Variants in TMEM132B observed in about 807,000 individuals in gnomAD.
TMEM132B encodes the protein transmembrane protein 132B.
TMEM132B carries 18 observed loss-of-function variants against 90.8 expected under a neutral mutation model. The ratio of observed to expected loss-of-function variants is 0.20; its 90% CI spans 0.14 to 0.29. The LOEUF is 0.29. Among genes scored for constraint, TMEM132B ranks in the 10% least tolerant of loss-of-function variants. The pLI, the probability that TMEM132B is intolerant of heterozygous loss-of-function variation, is 1.00. For synonymous variants in TMEM132B, 504 were observed against 523.3 expected (o/e 0.96, Z 0.50); for missense variants, 1,096 against 1,326.8 (o/e 0.83, Z 2.70).
intron 3 of TMEM132B, among the ~76,000 whole-genome samples, chr12:125,451,678 CAT>C (rs1358368107): frequency 4.0e-5 from 6 of 151,154 alleles, no homozygotes; most frequent in Non-Finnish European, 8.8e-5. Context: ...CTCGTCTCCT[CAT>C]GTGTGTAGGT....
rs888268714 is a variant in TMEM132B, at chr12:125,246,745, A to G, written c.67+59879A>G. On this transcript the variant is annotated intron_variant, in intron 1 of 8. Coordinates refer to ENST00000682704, the MANE Select transcript of TMEM132B (RefSeq NM_001366854.1). The surrounding 1 kb of genome is among the most constrained non-coding windows in gnomAD (Gnocchi z 4.2). ...AATCGGAGCCGGCTTTCAGGCACCT[A>G]TCTTCTCACCCTTTGTTCCTGTGGA... is the stretch of plus-strand genomic sequence containing the variant. 2.6e-5 allele frequency among the ~76,000 whole-genome samples: 4 copies of G among 152,176 alleles called. No individual in the cohort carries two copies. Among genetic ancestry groups the G allele is most frequent in the African/African-American group, 9.7e-5 (4 of 41,438 alleles).
At chr12:125,477,983 TGG>T (rs1286868205) in intron 3 of TMEM132B, among the ~76,000 whole-genome samples, 4 of 152,214 alleles carry the variant, frequency 2.6e-5, no homozygotes, top group Non-Finnish European at 5.9e-5. Flanking sequence ...GGGTCTGAAG[TGG>T]ACCTCCAGCA....
At chr12:125,593,837 G>T (rs1885376332) in intron 5 of TMEM132B, among the ~76,000 whole-genome samples, 1 of 152,156 alleles carries the variant, frequency 6.6e-6, no homozygotes, top group Non-Finnish European at 1.5e-5. Context: ...GGTATGAATG[G>T]ATCTAGGTAC....
Position 125,458,470 on chromosome 12 carries a change from G to A in TMEM132B, c.1106+42793G>A, listed in dbSNP as rs1032154315. Among the ~76,000 whole-genome samples the A allele has an allele frequency of 2.6e-5, 4 of 152,156 alleles. No homozygotes were observed. The highest frequency in any genetic ancestry group is 7.2e-5 in the African/African-American group (3 of 41,418). On this transcript the variant is annotated intron_variant, in intron 3 of 8. Transcript: ENST00000682704. This position sits in a 1 kb window ranked among gnomAD's most constrained non-coding sequence, Gnocchi z 4.9. ...AACAAACCAGGCTGGGACCCCAGGC[G>A]ACCAGCAGGGGTCATTTGGTTTCAG...
At chr12:125,477,829 C>A (rs541604979) in intron 3 of TMEM132B, among the ~76,000 whole-genome samples, 1 of 152,294 alleles carries the variant, frequency 6.6e-6, no homozygotes, top group South Asian at 2.1e-4. Flanking sequence ...CTGGGAGACA[C>A]CTCCCAGTAG....
At chr12:125,211,970 C>T (rs1261081863) in intron 1 of TMEM132B, among the ~76,000 whole-genome samples, 1 of 152,192 alleles carries the variant, frequency 6.6e-6, no homozygotes, top group African/African-American at 2.4e-5. Context: ...CACAAATGAA[C>T]CTACAAATCA....
At chr12:125,572,788 T>G (rs1229583829) in intron 4 of TMEM132B, among the ~76,000 whole-genome samples, 1 of 152,212 alleles carries the variant, frequency 6.6e-6, no homozygotes, top group Non-Finnish European at 1.5e-5. Context: ...ATATTCTAGC[T>G]TCATCATTCC....
At chr12:125,467,687 C>A (rs754502956) in intron 3 of TMEM132B, among the ~76,000 whole-genome samples, 2 of 152,168 alleles carry the variant, frequency 1.3e-5, no homozygotes, top group Non-Finnish European at 2.9e-5. Flanking sequence ...GCTGTAGAAC[C>A]ATTTATTCAC....
At chr12:125,365,016 G>A (rs1323101576) in intron 2 of TMEM132B, among the ~76,000 whole-genome samples, 1 of 151,838 alleles carries the variant, frequency 6.6e-6, no homozygotes, top group Non-Finnish European at 1.5e-5. Flanking sequence ...TTTCATTAAT[G>A]TGCTAGTCTA....
intron 1 of TMEM132B, among the ~76,000 whole-genome samples, chr12:125,203,646 A>G (rs1446429380): frequency 1.3e-5 from 2 of 152,230 alleles, no homozygotes; most frequent in African/African-American, 4.8e-5. Context: ...TTGGCTGCCA[A>G]TATATAAAAA....
intron 1 of TMEM132B, among the ~76,000 whole-genome samples, chr12:125,303,264 C>G (rs114151070): frequency 6.6e-6 from 1 of 152,058 alleles, no homozygotes; most frequent in Non-Finnish European, 1.5e-5. Flanking sequence ...CTTTAGTGTC[C>G]GGCTTCCTAT....
intron 4 of TMEM132B, among the ~76,000 whole-genome samples, chr12:125,555,569 T>TG (rs1225184189): frequency 3.9e-4 from 35 of 90,242 alleles, no homozygotes; most frequent in Admixed American, 2.5e-3. Flanking sequence ...TGTTGTGGGG[T>TG]GGGGGGTGGG....
chr12:125,228,655 A>G (rs1452423467), intron 1 of TMEM132B, among the ~76,000 whole-genome samples: 2 of 152,136 alleles, frequency 1.3e-5, no homozygotes, highest in African/African-American at 4.8e-5. Context: ...GACATGGTGC[A>G]TGGAGGGTTG....
At position 125,653,726 on chromosome 12, in the gene TMEM132B, G is replaced by C; in HGVS notation, c.2268G>C (p.Glu756Asp). ...CCAAATGGCCAATTGTGGTTGCAGA[G>C]GGTGAAGGACAAGGGCCTTTGATTA... is the stretch of plus-strand genomic sequence containing the variant. ...LESKWPIVVA[E>D]GEGQGPLIKL... The change falls in exon 9 of 9, where the codon GAG becomes GAC. Residue 756 changes from glutamate (E) to aspartate (D), a missense_variant. Physicochemically the swap from Glu to Asp is conservative, Grantham distance 45 (BLOSUM62 2). Coordinates refer to ENST00000682704, the MANE Select transcript of TMEM132B (RefSeq NM_001366854.1). 1.9e-6 allele frequency: 3 copies of C among 1,614,196 alleles called. No individual in the cohort carries two copies. The highest frequency in any genetic ancestry group is 2.5e-6 in the Non-Finnish European group (3 of 1,180,044).
chr12:125,261,316 C>T (rs1874563020), intron 1 of TMEM132B, among the ~76,000 whole-genome samples: 1 of 152,192 alleles, frequency 6.6e-6, no homozygotes, highest in Non-Finnish European at 1.5e-5. Context: ...TGAGTCTCCT[C>T]AGAGGTCACT....
At chr12:125,639,316 C>T (rs748922011) in intron 5 of TMEM132B, among the ~76,000 whole-genome samples, 1 of 152,218 alleles carries the variant, frequency 6.6e-6, no homozygotes, top group Non-Finnish European at 1.5e-5. Flanking sequence ...ATCACTTTCA[C>T]TTTTCTTAAT....
intron 1 of TMEM132B, among the ~76,000 whole-genome samples, chr12:125,272,279 G>A (rs1874859675): frequency 6.6e-6 from 1 of 152,228 alleles, no homozygotes; most frequent in Non-Finnish European, 1.5e-5. Context: ...TAAAGGGATT[G>A]TTGCATTTGT....
intron 6 of TMEM132B, among the ~76,000 whole-genome samples, chr12:125,646,491 A>T (rs1432147667): frequency 6.6e-6 from 1 of 152,192 alleles, no homozygotes; most frequent in Non-Finnish European, 1.5e-5. Flanking sequence ...GGGGGAAGTG[A>T]TACTGCCCTG....
At chr12:125,366,994 G>T (rs1053094317) in intron 2 of TMEM132B, among the ~76,000 whole-genome samples, 1 of 151,968 alleles carries the variant, frequency 6.6e-6, no homozygotes, top group Non-Finnish European at 1.5e-5. Flanking sequence ...TGTAGTTTTC[G>T]ATCTAGACTT....
Sources: allele counts gnomAD v4.1 joint callset (sites outside exome capture counted in the v4.1 genomes callset), GRCh38; gene constraint gnomAD v4.1.1; non-coding constraint Gnocchi (gnomAD v3.1); transcripts MANE v1.5; gene names NCBI Gene and HGNC (gene_info 2026-07-23, HGNC 2026-07-21).